Variants in SH3PXD2B observed in about 807,000 individuals in gnomAD.
SH3PXD2B encodes SH3 and PX domain-containing protein 2B.
In SH3PXD2B, 37 loss-of-function variants were observed where a neutral mutation model predicts 73.1. That is an observed-to-expected ratio of 0.51 (90% confidence interval 0.39 to 0.67). The LOEUF is 0.67. SH3PXD2B is among the 30% of genes least tolerant of loss of function. The probability of loss-of-function intolerance (pLI) is 0.00; values close to 1 mark genes in which losing one functional copy is unlikely to be tolerated. For synonymous variants in SH3PXD2B, 457 were observed against 480.5 expected (o/e 0.95, Z 0.64); for missense variants, 1,053 against 1,197.8 (o/e 0.88, Z 1.78).
intron 1 of SH3PXD2B, among the ~76,000 whole-genome samples, chr5:172,442,717 G>A (rs991955369): frequency 2.0e-5 from 3 of 152,194 alleles, no homozygotes; most frequent in Non-Finnish European, 4.4e-5. Flanking sequence ...TGATGATGAT[G>A]ATGGTAAAGA....
Position 172,392,716 on chromosome 5 carries a change from C to T in SH3PXD2B, c.309+1847G>A, listed in dbSNP as rs138527536. On this transcript the variant is annotated intron_variant, in intron 4 of 12. Coordinates refer to ENST00000311601, the MANE Select transcript of SH3PXD2B (RefSeq NM_001017995.3). ...AGGAGAATCCCTTGAACCCAGGAGG[C>T]GGAGGTTGTAGTGAGCCGAGATGGC... Among the ~76,000 whole-genome samples, 1,118 of 152,220 alleles carry T rather than the reference C, an allele frequency of 7.3e-3. 9 individuals are homozygous for T. The highest frequency in any genetic ancestry group is 0.024 in the African/African-American group (1,001 of 41,522).
intron 5 of SH3PXD2B, among the ~76,000 whole-genome samples, chr5:172,380,374 G>A (rs777669429): frequency 6.6e-6 from 1 of 152,118 alleles, no homozygotes; most frequent in Non-Finnish European, 1.5e-5. Context: ...GGGCAGTTTC[G>A]TGAGAAAATG....
intron 1 of SH3PXD2B, among the ~76,000 whole-genome samples, chr5:172,435,618 C>T (rs1759370428): frequency 6.6e-6 from 1 of 152,142 alleles, no homozygotes; most frequent in African/African-American, 2.4e-5. Flanking sequence ...GAGATGGGAT[C>T]TCAGTATGCT....
intron 3 of SH3PXD2B, among the ~76,000 whole-genome samples, chr5:172,405,995 C>G (rs1758547016): frequency 6.6e-6 from 1 of 152,194 alleles, no homozygotes; most frequent in Non-Finnish European, 1.5e-5. Flanking sequence ...GTCATTAACC[C>G]ACTTATGCCT....
chr5:172,437,747 C>T (rs993646013), intron 1 of SH3PXD2B, among the ~76,000 whole-genome samples: 2 of 152,200 alleles, frequency 1.3e-5, no homozygotes, highest in African/African-American at 2.4e-5. Context: ...TGGTGTCTTG[C>T]GTCAGATGAG....
At position 172,380,365 on chromosome 5, in the gene SH3PXD2B, G is replaced by T. The variant is rs186908361; in HGVS notation, c.401+1671C>A. 2.0e-5 allele frequency among the ~76,000 whole-genome samples: 3 copies of T among 152,232 alleles called. No homozygotes were observed. The East Asian group carries it at 5.8e-4, about 29-fold the overall frequency. ...CGTGAGGGAATGACAGTTTTTATTGGGCAGTTTCGTGAGAAAATGAAGTGG... is the reference window on the plus strand; with the variant it reads ...CGTGAGGGAATGACAGTTTTTATTGTGCAGTTTCGTGAGAAAATGAAGTGG... On this transcript the variant is annotated intron_variant, in intron 5 of 12. Coordinates refer to ENST00000311601, the MANE Select transcript of SH3PXD2B (RefSeq NM_001017995.3).
At chr5:172,404,040 G>A (rs1265120363) in intron 3 of SH3PXD2B, among the ~76,000 whole-genome samples, 1 of 152,226 alleles carries the variant, frequency 6.6e-6, no homozygotes, top group Non-Finnish European at 1.5e-5. Context: ...TGGCCAGCGG[G>A]GTTTTCTCCA....
At chr5:172,350,715 C>A in intron 9 of SH3PXD2B, 126 bp from the exon 10 acceptor site, 2 of 899,286 alleles carry the variant, frequency 2.2e-6, no homozygotes, top group Non-Finnish European at 3.4e-6. Flanking sequence ...CTGCCCAGGG[C>A]AAGAGGTTGG....
At position 172,358,764 on chromosome 5, in the gene SH3PXD2B, C is replaced by G. The variant is rs752331625; in HGVS notation, c.667+9G>C. On this transcript the variant is annotated intron_variant, in intron 8 of 12. Transcript: ENST00000311601. ...TCCCCAGTGAGCAGAGGCTCGAGCT[C>G]CTCCCTACCTTCTTCAGGCTGCAGA... The G allele has an allele frequency of 1.9e-6, 3 of 1,608,692 alleles. No individual in the cohort carries two copies. In the Admixed American group the frequency reaches 5.0e-5, roughly 27 times the overall value.
Position 172,337,148 on chromosome 5 carries a change from T to C in SH3PXD2B, c.*1221A>G. 1.0e-6 allele frequency: 1 copy of C among 985,540 alleles called. No individual in the cohort carries two copies. The highest frequency in any genetic ancestry group is 1.2e-6 in the Non-Finnish European group (1 of 830,018). 61.0% of individuals were successfully genotyped at this position (985,540 alleles called of 1,614,324 possible). On this transcript the variant is annotated 3_prime_UTR_variant, in exon 13 of 13. Coordinates refer to ENST00000311601, the MANE Select transcript of SH3PXD2B (RefSeq NM_001017995.3). ...CCAGGACCCTGGCATTCTCCTGTCATGGAGATGCAGCTGTTGAGTCCAGGG... is the reference window on the plus strand; with the variant it reads ...CCAGGACCCTGGCATTCTCCTGTCACGGAGATGCAGCTGTTGAGTCCAGGG...
chr5:172,350,948 C>T (rs548430000), intron 9 of SH3PXD2B, among the ~76,000 whole-genome samples: 32 of 152,318 alleles, frequency 2.1e-4, no homozygotes, highest in African/African-American at 6.5e-4. Flanking sequence ...GATCTGTTCA[C>T]GCTGATGAAC....
In SH3PXD2B at chr5:172,362,752, A is replaced by T. The variant is rs1217911974; in HGVS notation, c.545T>A (p.Ile182Asn). The T allele has an allele frequency of 6.2e-7, 1 of 1,614,064 alleles. No homozygotes were observed. Among genetic ancestry groups the T allele is most frequent in the Admixed American group, 1.7e-5 (1 of 60,018 alleles). ...GTCCCCACCTGACTCATTCTTCTCG[A>T]TGATGTCCACCACCTGCCCCACGCT... ...SLSVGQVVDI[I>N]EKNESGWWFV... The change falls in exon 7 of 13, where the codon ATC becomes AAC. Residue 182 changes from isoleucine (I) to asparagine (N), a missense_variant. Ile to Asn is a moderately radical substitution (Grantham distance 149, BLOSUM62 -3). Around this residue, in one of 2 missense-constraint regions of SH3PXD2B, gnomAD observed 466 missense variants for 607.1 expected, o/e 0.77. Coordinates refer to ENST00000311601, the MANE Select transcript of SH3PXD2B (RefSeq NM_001017995.3).
chr5:172,349,631 G>A (rs949708956), intron 10 of SH3PXD2B, among the ~76,000 whole-genome samples: 1 of 152,124 alleles, frequency 6.6e-6, no homozygotes. Context: ...CGCCCCTGCC[G>A]TCTACTAGCT....
intron 1 of SH3PXD2B, among the ~76,000 whole-genome samples, chr5:172,451,256 G>C (rs1759790335): frequency 1.3e-5 from 2 of 152,242 alleles, no homozygotes; most frequent in Non-Finnish European, 2.9e-5. Context: ...TGAGCAGGTA[G>C]TGGCCGAGAT....
rs1231763101 is a variant in SH3PXD2B at position 172,406,458 on chromosome 5, A to G, written c.157-106T>C. On this transcript the variant is annotated intron_variant, in intron 2 of 12. Coordinates refer to ENST00000311601, the MANE Select transcript of SH3PXD2B (RefSeq NM_001017995.3). ...TGAAATATGTGATGTGATATACTAAAAGTTCACTGCGTTCAGCTTTCCAGA... is the reference window on the plus strand; with the variant it reads ...TGAAATATGTGATGTGATATACTAAGAGTTCACTGCGTTCAGCTTTCCAGA... 94 of 1,305,340 alleles carry G rather than the reference A, an allele frequency of 7.2e-5. No homozygotes were observed. The East Asian group carries it at 2.2e-3, about 31-fold the overall frequency. The allele number at this position is 1,305,340 out of a possible 1,614,324, so 80.9% of individuals were successfully genotyped here.
At chr5:172,406,440 T>C in intron 2 of SH3PXD2B, 88 bp from the exon 3 acceptor site, 4 of 1,448,418 alleles carry the variant, frequency 2.8e-6, no homozygotes, top group Non-Finnish European at 3.9e-6. Flanking sequence ...ATGTGAAATA[T>C]GTGATGTGAT....
chr5:172,343,508 G>C (rs1756903959), intron 12 of SH3PXD2B, among the ~76,000 whole-genome samples: 1 of 152,146 alleles, frequency 6.6e-6, no homozygotes, highest in Non-Finnish European at 1.5e-5. Flanking sequence ...AAAAGCAAAT[G>C]CAAGATCAGA....
intron 1 of SH3PXD2B, among the ~76,000 whole-genome samples, chr5:172,439,251 G>GAAAAAAAAAAAAAAAAAAAAAAAAAAAA (rs1240619268): frequency 2.3e-4 from 8 of 35,208 alleles, no homozygotes; most frequent in Admixed American, 5.1e-4. Flanking sequence ...AAAAAAAAAA[G>GAAAAAAAAAAAAAAAAAAAAAAAAAAAA]AAAAAAAAAA....
chr5:172,386,534 C>A (rs1758063030), intron 4 of SH3PXD2B, among the ~76,000 whole-genome samples: 1 of 152,190 alleles, frequency 6.6e-6, no homozygotes, highest in Admixed American at 6.5e-5. Flanking sequence ...AGGCAGGTAA[C>A]AGCAGTTAGC....
Sources: allele counts gnomAD v4.1 joint callset (sites outside exome capture counted in the v4.1 genomes callset), GRCh38; gene constraint gnomAD v4.1.1; regional missense constraint gnomAD v4.1.1; transcripts MANE v1.5; gene names NCBI Gene and HGNC (gene_info 2026-07-23, HGNC 2026-07-21).